The following BEST4 variants were observed in gnomAD, a reference collection of about 807,000 sequenced individuals.
BEST4 encodes bestrophin 4, also known as bestrophin-4.
Under a neutral mutation model 47.1 loss-of-function variants are expected in BEST4, and 36 were observed. The observed-to-expected ratio is 0.76, with a 90% CI of 0.59 to 1.01. BEST4 has a LOEUF of 1.01. Among genes scored for constraint, BEST4 ranks in the 50% least tolerant of loss-of-function variants. BEST4 has a pLI of 0.00. For missense variants in BEST4, 550 were observed against 648.6 expected (o/e 0.85, Z 1.65); for synonymous variants, 250 against 277.8 (o/e 0.90, Z 1.00).
At position 44,783,975 on chromosome 1, in the gene BEST4, A is replaced by G; in HGVS notation, c.*235T>C. The G allele has an allele frequency of 7.0e-6, 3 of 431,572 alleles. No homozygotes were observed. Among genetic ancestry groups the G allele is most frequent in the Non-Finnish European group, 1.2e-5 (3 of 248,398 alleles). 26.7% of individuals were successfully genotyped at this position (431,572 alleles called of 1,614,324 possible). On this transcript the variant is annotated 3_prime_UTR_variant, in exon 9 of 9. Transcript: ENST00000372207. ...TAGTCCTCTATGCCTGGGCTCATTT[A>G]TTTTTCTAGCTTCACGTCCCCCAAG...
downstream of BEST4, among the ~76,000 whole-genome samples, chr1:44,782,899 G>A (rs1404286449): frequency 6.6e-6 from 1 of 152,042 alleles, no homozygotes; most frequent in Non-Finnish European, 1.5e-5. Context: ...AATCGTATAG[G>A]AGCATAGTTT....
At chr1:44,789,062 C>T (rs1651335994), upstream of BEST4, among the ~76,000 whole-genome samples, 1 of 151,872 alleles carries the variant, frequency 6.6e-6, no homozygotes, top group Admixed American at 6.6e-5. Flanking sequence ...CGAGACTAGC[C>T]TGGCCCAACA....
upstream of BEST4, among the ~76,000 whole-genome samples, chr1:44,791,864 G>A (rs1159290601): frequency 2.6e-5 from 4 of 152,084 alleles, no homozygotes; most frequent in Admixed American, 2.6e-4. Context: ...GAGCCACACT[G>A]CCCAGGTTCC....
At chr1:44,790,173 G>T (rs1360894665), upstream of BEST4, among the ~76,000 whole-genome samples, 1 of 152,126 alleles carries the variant, frequency 6.6e-6, no homozygotes, top group Non-Finnish European at 1.5e-5. Flanking sequence ...CCCACGACTG[G>T]TCCAGTCTTG....
Position 44,784,195 on chromosome 1 carries a change from G to T in BEST4, c.*15C>A. On this transcript the variant is annotated 3_prime_UTR_variant, in exon 9 of 9. Transcript: ENST00000372207. The surrounding 1 kb of genome is among the most constrained non-coding windows in gnomAD (Gnocchi z 6.2). ...GGCAGTGGGTGGGGGAAACCGGGCG[G>T]GGGCAGGCGAGACCTCAGGGCTCCA... The T allele has an allele frequency of 1.4e-6, 2 of 1,396,548 alleles. No homozygotes were observed. Among genetic ancestry groups the T allele is most frequent in the Non-Finnish European group, 1.8e-6 (2 of 1,085,134 alleles). The allele number at this position is 1,396,548 out of a possible 1,614,324, so 86.5% of individuals were successfully genotyped here. A position where few individuals can be genotyped will look rare whatever the true frequency, so the allele number is the denominator to read the frequency against.
upstream of BEST4, among the ~76,000 whole-genome samples, chr1:44,791,251 TG>T (rs1651406056): frequency 6.6e-6 from 1 of 152,054 alleles, no homozygotes; most frequent in Admixed American, 6.6e-5. Context: ...TGTGTGTGTG[TG>T]TCTGTGTGTG....
rs906381528 is a variant in BEST4 at position 44,786,097 on chromosome 1, T to A, written c.613A>T (p.Ile205Phe). The A allele has an allele frequency of 1.9e-6, 3 of 1,611,380 alleles. No homozygotes were observed. Among genetic ancestry groups the A allele is most frequent in the Non-Finnish European group, 2.5e-6 (3 of 1,179,072 alleles). Residue 205 changes from isoleucine (I) to phenylalanine (F), a missense_variant, in exon 4 of 9, where the codon ATC (isoleucine) becomes TTC (phenylalanine). Ile to Phe is a conservative substitution (Grantham distance 21). Around this residue, in one of 3 missense-constraint regions of BEST4, gnomAD observed 291 missense variants for 342.4 expected, o/e 0.85. Coordinates refer to ENST00000372207, the MANE Select transcript of BEST4 (RefSeq NM_153274.3). The surrounding 1 kb of genome is among the most constrained non-coding windows in gnomAD (Gnocchi z 4.9). ...ARRDGRIRDD[I>F]ALCLLLEELN... ...ACTTCCAAAAGTAGACAGAGAGCGA[T>A]ATCGTCACGTATTCGCCCGTCCCTC...
upstream of BEST4, among the ~76,000 whole-genome samples, chr1:44,791,247 T>G (rs1651405945): frequency 6.6e-6 from 1 of 152,022 alleles, no homozygotes; most frequent in South Asian, 2.1e-4. Context: ...TGTGTGTGTG[T>G]GTGTGTCTGT....
upstream of BEST4, among the ~76,000 whole-genome samples, chr1:44,789,465 G>A (rs1331572216): frequency 2.7e-5 from 4 of 149,954 alleles, no homozygotes; most frequent in African/African-American, 4.9e-5. Flanking sequence ...TTGGGAGGCC[G>A]AGGCAGGCGG....
chr1:44,791,522 A>G (rs979812509), upstream of BEST4, among the ~76,000 whole-genome samples: 2 of 151,438 alleles, frequency 1.3e-5, no homozygotes, highest in Non-Finnish European at 2.9e-5. Flanking sequence ...TGGCCCTCAC[A>G]CCTCTGCTTG....
chr1:44,782,457 G>A (rs1279783347), downstream of BEST4, among the ~76,000 whole-genome samples: 5 of 151,372 alleles, frequency 3.3e-5, no homozygotes, highest in Admixed American at 6.6e-5. Context: ...GTGACACCCC[G>A]GTCTCTACTA....
upstream of BEST4, among the ~76,000 whole-genome samples, chr1:44,788,706 C>A (rs901185083): frequency 6.6e-6 from 1 of 152,240 alleles, no homozygotes; most frequent in African/African-American, 2.4e-5. Context: ...AGTGGCCTAG[C>A]AAAGGCATGA....
In BEST4 at chr1:44,784,635, T is replaced by A; in HGVS notation, c.1142A>T (p.Asn381Ile). 1 of 1,613,012 alleles carries A rather than the reference T, an allele frequency of 6.2e-7. No homozygotes were observed. The highest frequency in any genetic ancestry group is 8.5e-7 in the Non-Finnish European group (1 of 1,179,714). Residue 381 changes from asparagine to isoleucine, a missense_variant, in exon 8 of 9, where the codon AAC (asparagine) becomes ATC (isoleucine). By Grantham distance (149) the Asn-to-Ile change is moderately radical (BLOSUM62 -3). Transcript: ENST00000372207. This position sits in a 1 kb window ranked among gnomAD's most constrained non-coding sequence, Gnocchi z 6.2. ...LRPSFLGSTF[N>I]LRMSDDPEQS... Reference sequence around the variant, plus strand: ...CCCAGTGCAAGCCACTCACCGCAGGTTGAAGGTGGAGCCCAGGAATGAGGG... The same window carrying A: ...CCCAGTGCAAGCCACTCACCGCAGGATGAAGGTGGAGCCCAGGAATGAGGG...
chr1:44,786,706 C>A lies in BEST4; in HGVS notation c.248-10G>T. 1 of 1,543,404 alleles carries A rather than the reference C, an allele frequency of 6.5e-7. No individual in the cohort carries two copies. The highest frequency in any genetic ancestry group is 8.8e-7 in the Non-Finnish European group (1 of 1,140,840). On this transcript the variant is annotated splice_polypyrimidine_tract_variant and intron_variant, in intron 2 of 8. Coordinates refer to ENST00000372207, the MANE Select transcript of BEST4 (RefSeq NM_153274.3). This position sits in a 1 kb window ranked among gnomAD's most constrained non-coding sequence, Gnocchi z 4.9. ...AGAGTCACATAGAAACCTGCTTGGC[C>A]GCCGTGATAGAGGGAGTAGGAAGGG...
chr1:44,791,232 ATG>A (rs35156965), upstream of BEST4, among the ~76,000 whole-genome samples: 37,776 of 146,734 alleles, frequency 0.26, 5,690 homozygotes, highest in African/African-American at 0.44. Context: ...GAGAGAGAGT[ATG>A]TGTGTGTGTG....
Position 44,787,762 on chromosome 1 carries a change from G to T in BEST4, c.-57C>A. 6.3e-7 allele frequency: 1 copy of T among 1,599,754 alleles called. No individual in the cohort carries two copies. Among genetic ancestry groups the T allele is most frequent in the Non-Finnish European group, 8.5e-7 (1 of 1,170,958 alleles). Reference sequence around the variant, plus strand: ...GAGTTGCCCCCAGGGCTGTCGTTTAGTTCTCCAGACAACCTCCCTTCCACT... The same window carrying T: ...GAGTTGCCCCCAGGGCTGTCGTTTATTTCTCCAGACAACCTCCCTTCCACT... On this transcript the variant is annotated 5_prime_UTR_variant, in exon 1 of 9. Coordinates refer to ENST00000372207, the MANE Select transcript of BEST4 (RefSeq NM_153274.3).
At chr1:44,788,778 G>A (rs1352140224), upstream of BEST4, among the ~76,000 whole-genome samples, 1 of 152,176 alleles carries the variant, frequency 6.6e-6, no homozygotes, top group Non-Finnish European at 1.5e-5. Flanking sequence ...GGGCTTGGGG[G>A]CTTGGCCAGG....
rs774303743 is a variant in BEST4 at position 44,786,499 on chromosome 1, T to A, written c.445A>T (p.Lys149Ter). 1 of 1,542,790 alleles carries A rather than the reference T, an allele frequency of 6.5e-7. No homozygotes were observed. The highest frequency in any genetic ancestry group is 2.0e-5 in the Admixed American group (1 of 51,020). ...ACGTGCTCCATGGTGGGGAAGCGCT[T>A]AAGCACGCGGGTGCTGACCGAGCGC... ...VLRSVSTRVL[K>*]RFPTMEHVVD... Residue 149 changes from lysine to a stop codon, truncating the protein, a stop_gained, in exon 3 of 9, where the codon AAG becomes TAG. Coordinates refer to ENST00000372207, the MANE Select transcript of BEST4 (RefSeq NM_153274.3). LOFTEE classifies it high-confidence loss of function. The surrounding 1 kb of genome is among the most constrained non-coding windows in gnomAD (Gnocchi z 4.9).
chr1:44,790,421 C>T (rs1167423030), upstream of BEST4, among the ~76,000 whole-genome samples: 1 of 152,050 alleles, frequency 6.6e-6, no homozygotes, highest in Non-Finnish European at 1.5e-5. Flanking sequence ...ATATGCCTAG[C>T]TCATTTGTAA....
Sources: allele counts gnomAD v4.1 joint callset (sites outside exome capture counted in the v4.1 genomes callset), GRCh38; gene constraint gnomAD v4.1.1; regional missense constraint gnomAD v4.1.1; non-coding constraint Gnocchi (gnomAD v3.1); transcripts MANE v1.5; gene names NCBI Gene and HGNC (gene_info 2026-07-23, HGNC 2026-07-21).